Variants in MAP2 observed in about 807,000 individuals in gnomAD.
MAP2 encodes microtubule associated protein 2, also known as microtubule-associated protein 2.
In MAP2, 14 loss-of-function variants were observed where a neutral mutation model predicts 137.6. The ratio of observed to expected loss-of-function variants is 0.10; its 90% confidence interval spans 0.07 to 0.16. The LOEUF is 0.16. Ranked by LOEUF, MAP2 falls within the 10% of genes least tolerant of loss-of-function variation. The pLI is 1.00. For missense variants in MAP2, 2,088 were observed against 2,191.5 expected, an observed-to-expected ratio of 0.95 and a Z score of 0.94; for synonymous variants, 786 against 782.3, an observed-to-expected ratio of 1.00 and a Z score of -0.08.
intron 1 of MAP2, among the ~76,000 whole-genome samples, chr2:209,474,665 A>G (rs1011496327): frequency 1.3e-5 from 2 of 152,198 alleles, no homozygotes; most frequent in African/African-American, 4.8e-5. Context: ...TATAAGTAAC[A>G]AAGTATAACT....
At chr2:209,535,347 C>A (rs1229736343) in intron 2 of MAP2, among the ~76,000 whole-genome samples, 1 of 152,186 alleles carries the variant, frequency 6.6e-6, no homozygotes, top group Admixed American at 6.5e-5. Context: ...AACTTCACCG[C>A]ATAACCATAA....
At chr2:209,493,376 A>T (rs1161848825) in intron 1 of MAP2, among the ~76,000 whole-genome samples, 1 of 152,252 alleles carries the variant, frequency 6.6e-6, no homozygotes, top group Admixed American at 6.5e-5. Flanking sequence ...ATGGGCAAAG[A>T]CTTCATGACT....
intron 5 of MAP2, among the ~76,000 whole-genome samples, chr2:209,670,863 C>T (rs1460516525): frequency 6.6e-6 from 1 of 151,738 alleles, no homozygotes; most frequent in Non-Finnish European, 1.5e-5. Flanking sequence ...ACAAGAGTGC[C>T]CCCCTTTAAA....
intron 2 of MAP2, among the ~76,000 whole-genome samples, chr2:209,508,207 A>G (rs2061302383): frequency 6.6e-6 from 1 of 151,966 alleles, no homozygotes. Context: ...ACAGAACCTC[A>G]GAAGGCCCTC....
chr2:209,662,158 A>G lies in MAP2; in HGVS notation c.262+8726A>G, dbSNP rs138623022. Among the ~76,000 whole-genome samples the G allele has an allele frequency of 2.6e-5, 4 of 152,332 alleles. No homozygotes were observed. The East Asian group carries it at 7.7e-4, about 29-fold the overall frequency. On this transcript the variant is annotated intron_variant, in intron 5 of 15. Coordinates refer to ENST00000682079, the MANE Select transcript of MAP2 (RefSeq NM_001375505.1). ...TTCCTTGGAATTTTAATTGCCTACA[A>G]ACACTTCAAGTTGTGAAGAGCAAGG... is the stretch of plus-strand genomic sequence containing the variant.
intron 2 of MAP2, among the ~76,000 whole-genome samples, chr2:209,513,756 A>G (rs2062058174): frequency 6.6e-6 from 1 of 152,098 alleles, no homozygotes; most frequent in South Asian, 2.1e-4. Flanking sequence ...TCAGGCTGTC[A>G]AAATGAAAGC....
In MAP2 at chr2:209,514,455, G is replaced by A. The variant is rs186926159; in HGVS notation, c.-172+6814G>A. ...GGCTATGTTTTCATACAAACCCCATGCTTATGAAATCAGTTCTGTGGATTT... is the reference window on the plus strand; with the variant it reads ...GGCTATGTTTTCATACAAACCCCATACTTATGAAATCAGTTCTGTGGATTT... On this transcript the variant is annotated intron_variant, in intron 2 of 15. Transcript: ENST00000682079. 5.9e-5 allele frequency among the ~76,000 whole-genome samples: 9 copies of A among 151,980 alleles called. No homozygotes were observed. The East Asian group carries it at 1.7e-3, about 29-fold the overall frequency.
intron 8 of MAP2, 33 bp downstream of exon 8, chr2:209,696,383 A>G: frequency 6.6e-7 from 1 of 1,522,818 alleles, no homozygotes; most frequent in Non-Finnish European, 8.8e-7. Context: ...TTTTAACTCA[A>G]ACACAATAAC....
chr2:209,445,879 C>G (rs561509016), intron 1 of MAP2, among the ~76,000 whole-genome samples: 64 of 151,540 alleles, frequency 4.2e-4, no homozygotes, highest in African/African-American at 1.5e-3. Flanking sequence ...TAAAACATAC[C>G]ATAACCTAAA....
In MAP2 at chr2:209,700,334, T is replaced by A; in HGVS notation, c.4580T>A (p.Val1527Asp). The A allele has an allele frequency of 6.2e-7, 1 of 1,611,496 alleles. No homozygotes were observed. The highest frequency in any genetic ancestry group is 2.2e-5 in the East Asian group (1 of 44,828). ...GTATTTAAACAGGCAAAGGACAAAGTCTCTGTGAGTAAAATAAGTTTTTCC... is the reference window on the plus strand; with the variant it reads ...GTATTTAAACAGGCAAAGGACAAAGACTCTGTGAGTAAAATAAGTTTTTCC... ...PSVFKQAKDK[V>D]SDGVTKSPEK... Residue 1527 changes from valine (V) to aspartate (D), a missense_variant, in exon 11 of 16, where the codon GTC (valine) becomes GAC (aspartate). Around this residue, in one of 6 missense-constraint regions of MAP2, gnomAD observed 591 missense variants for 642.6 expected, o/e 0.92. Transcript: ENST00000682079.
intron 3 of MAP2, among the ~76,000 whole-genome samples, chr2:209,585,691 C>T (rs1427839316): frequency 6.6e-6 from 1 of 152,104 alleles, no homozygotes; most frequent in Admixed American, 6.6e-5. Flanking sequence ...CTACTGTTTC[C>T]AGTTTTTCAC....
At chr2:209,491,725 C>A (rs2059138220) in intron 1 of MAP2, among the ~76,000 whole-genome samples, 1 of 152,122 alleles carries the variant, frequency 6.6e-6, no homozygotes, top group Non-Finnish European at 1.5e-5. Flanking sequence ...GAAACATACA[C>A]CCTCCCAAGA....
intron 2 of MAP2, among the ~76,000 whole-genome samples, chr2:209,561,933 A>G (rs992569704): frequency 2.0e-5 from 3 of 152,226 alleles, no homozygotes; most frequent in Admixed American, 6.5e-5. Context: ...ATATAATGAT[A>G]TAGTTCTCCG....
intron 1 of MAP2, among the ~76,000 whole-genome samples, chr2:209,482,150 A>G (rs1257517720): frequency 6.6e-6 from 1 of 152,124 alleles, no homozygotes; most frequent in Non-Finnish European, 1.5e-5. Flanking sequence ...AAAAAGTATT[A>G]TTTGTAGTTC....
chr2:209,590,698 C>A (rs1226483958), intron 3 of MAP2, among the ~76,000 whole-genome samples: 1 of 152,108 alleles, frequency 6.6e-6, no homozygotes, highest in East Asian at 1.9e-4. Context: ...GTTTCAAGCG[C>A]TTGATAGCCA....
chr2:209,609,454 G>A (rs149205374), intron 3 of MAP2, among the ~76,000 whole-genome samples: 4,110 of 152,130 alleles, frequency 0.027, 103 homozygotes, highest in Middle Eastern at 0.092. Context: ...ATTTTAGAAG[G>A]TTTTTATCAC....
rs761704792 is a variant in MAP2 at position 209,693,694 on chromosome 2, A to G, written c.1524A>G (p.Thr508=). The G allele has an allele frequency of 1.9e-6, 3 of 1,613,622 alleles. No homozygotes were observed. In the Admixed American group the frequency reaches 5.0e-5, roughly 27 times the overall value. The change falls in exon 8 of 16, where the codon ACA becomes ACG. Residue 508 remains threonine (T), a synonymous_variant. Coordinates refer to ENST00000682079, the MANE Select transcript of MAP2 (RefSeq NM_001375505.1). ...SFPVSLEQAV[T]DSAMTSKTLE... is the part of the protein sequence containing the mutation. ...CTGTAAGTTTGGAGCAAGCAGTTAC[A>G]GATTCAGCCATGACCTCTAAAACAC...
intron 2 of MAP2, among the ~76,000 whole-genome samples, chr2:209,533,223 C>T (rs2065408828): frequency 6.6e-6 from 1 of 152,156 alleles, no homozygotes; most frequent in Non-Finnish European, 1.5e-5. Flanking sequence ...CAGCTCACTG[C>T]AACCTCCGCC....
chr2:209,695,193 C>T lies in MAP2; in HGVS notation c.3023C>T (p.Thr1008Ile), dbSNP rs1328347789. Residue 1008 changes from threonine (T) to isoleucine (I), a missense_variant, in exon 8 of 16, where the codon ACA (threonine) becomes ATA (isoleucine). Transcript: ENST00000682079. Reference sequence around the variant, plus strand: ...TTGGCCAAAGATTTGTCAATACCAACAGATGCATCCTCTGAGAAAGCAGAG... The same window carrying T: ...TTGGCCAAAGATTTGTCAATACCAATAGATGCATCCTCTGAGAAAGCAGAG... The part of the protein sequence containing the change: ...QALAKDLSIP[T>I]DASSEKAEKG... The T allele has an allele frequency of 6.2e-7, 1 of 1,614,030 alleles. No homozygotes were observed. Among genetic ancestry groups the T allele is most frequent in the Non-Finnish European group, 8.5e-7 (1 of 1,180,030 alleles).
Sources: allele counts gnomAD v4.1 joint callset (sites outside exome capture counted in the v4.1 genomes callset), GRCh38; gene constraint gnomAD v4.1.1; regional missense constraint gnomAD v4.1.1; transcripts MANE v1.5; gene names NCBI Gene and HGNC (gene_info 2026-07-23, HGNC 2026-07-21).